RFX4: variants seen among roughly 807,000 people sequenced by gnomAD.
RFX4 encodes regulatory factor X4.
RFX4 carries 10 observed loss-of-function variants against 95.0 expected under a neutral mutation model. The observed-to-expected ratio is 0.11, with a 90% confidence interval of 0.06 to 0.18. RFX4 has a LOEUF of 0.18. RFX4 is among the 10% of genes least tolerant of loss of function. The probability of loss-of-function intolerance (pLI) is 1.00; values close to 1 mark genes in which losing one functional copy is unlikely to be tolerated. For missense variants in RFX4, 640 were observed against 922.0 expected, an observed-to-expected ratio of 0.69 and a Z score of 3.96; for synonymous variants, 321 against 340.7, an observed-to-expected ratio of 0.94 and a Z score of 0.64.
intron 11 of RFX4, among the ~76,000 whole-genome samples, chr12:106,719,337 G>C (rs903667250): frequency 3.3e-5 from 5 of 152,154 alleles, no homozygotes; most frequent in Admixed American, 6.6e-5. Flanking sequence ...AGAAACATTT[G>C]AATTATCACA....
At position 106,698,033 on chromosome 12, in the gene RFX4, C is replaced by T. The variant is rs112421960; in HGVS notation, c.833+1587C>T. Among the ~76,000 whole-genome samples, 26 of 150,646 alleles carry T rather than the reference C, an allele frequency of 1.7e-4. 1 individual carries two copies. Among genetic ancestry groups the T allele is most frequent in the African/African-American group, 2.7e-4 (11 of 40,986 alleles). ...TGTTGCCCAGGCTGGAGTGCAATGGCGCAGTCTTGGCTCACTACAACCTCT... is the reference window on the plus strand; with the variant it reads ...TGTTGCCCAGGCTGGAGTGCAATGGTGCAGTCTTGGCTCACTACAACCTCT... On this transcript the variant is annotated intron_variant, in intron 8 of 17. Transcript: ENST00000392842.
At position 106,683,466 on chromosome 12, in the gene RFX4, GAAAAAAAAAAA is replaced by G. The variant is rs149587196; in HGVS notation, c.377+1432_377+1442del. The G allele has an allele frequency of 1.6e-4, 8 of 50,816 alleles. 1 individual carries two copies. The highest frequency in any genetic ancestry group is 3.8e-4 in the Admixed American group (1 of 2,644). 3.1% of individuals were successfully genotyped at this position (50,816 alleles called of 1,614,324 possible). A position where few individuals can be genotyped will look rare whatever the true frequency, so the allele number is the denominator to read the frequency against. ...AATAATTTTCCAAGATGACTATTCT[GAAAAAAAAAAA>G]AAAAAAAAAAAAAAAAAAACAAACC... On this transcript the variant is annotated intron_variant, in intron 5 of 17. Coordinates refer to ENST00000392842, the MANE Select transcript of RFX4 (RefSeq NM_213594.3).
rs1316390751 is a variant in RFX4 at position 106,709,443 on chromosome 12, T to C, written c.934+13T>C. The C allele has an allele frequency of 3.1e-6, 5 of 1,594,748 alleles. No individual in the cohort carries two copies. The highest frequency in any genetic ancestry group is 2.3e-5 in the South Asian group (2 of 88,550). ...ATCAAGTTCGAATGTAAGTACTGAG[T>C]TGAGAGCGGGATGGAAGAGAGAATT... On this transcript the variant is annotated intron_variant, in intron 9 of 17. Transcript: ENST00000392842.
intron 13 of RFX4, among the ~76,000 whole-genome samples, chr12:106,731,780 A>C (rs998824401): frequency 1.1e-4 from 16 of 152,196 alleles, no homozygotes; most frequent in Admixed American, 5.9e-4. Flanking sequence ...ATAAATGCCG[A>C]AGAGAGTGAG....
At chr12:106,656,958 G>A (rs1272477058) in intron 4 of RFX4, among the ~76,000 whole-genome samples, 1 of 152,170 alleles carries the variant, frequency 6.6e-6, no homozygotes, top group East Asian at 1.9e-4. Flanking sequence ...GAACACAAAT[G>A]CAAATGCTCT....
chr12:106,625,190 A>G (rs12228778), intron 2 of RFX4, among the ~76,000 whole-genome samples: 55,779 of 152,126 alleles, frequency 0.37, 12,380 homozygotes, highest in Middle Eastern at 0.54. Context: ...TTAGTGGCAG[A>G]ATCAGGACTG....
intron 3 of RFX4, among the ~76,000 whole-genome samples, chr12:106,643,123 C>T (rs2040666313): frequency 6.6e-6 from 1 of 152,222 alleles, no homozygotes; most frequent in Non-Finnish European, 1.5e-5. Context: ...TCACTGAATA[C>T]AGGCTGCCCC....
At chr12:106,674,757 G>A (rs1037483350) in intron 4 of RFX4, among the ~76,000 whole-genome samples, 5 of 152,176 alleles carry the variant, frequency 3.3e-5, no homozygotes, top group Non-Finnish European at 7.3e-5. Context: ...TAAGCTTCTT[G>A]AACAGAGGCT....
At chr12:106,629,008 C>T (rs1263754275) in intron 2 of RFX4, among the ~76,000 whole-genome samples, 1 of 152,136 alleles carries the variant, frequency 6.6e-6, no homozygotes, top group Admixed American at 6.5e-5. Flanking sequence ...ATCCACTGGC[C>T]TTGGCCTCCC....
chr12:106,637,511 C>T (rs2040537379), intron 2 of RFX4, among the ~76,000 whole-genome samples: 1 of 151,972 alleles, frequency 6.6e-6, no homozygotes, highest in African/African-American at 2.4e-5. Context: ...AGATTGATTT[C>T]ATTGATCTTT....
intron 5 of RFX4, chr12:106,683,488 A>AC (rs1242123793): frequency 6.7e-6 from 1 of 149,458 alleles, no homozygotes; most frequent in East Asian, 1.9e-4. Context: ...AAAAAAAAAA[A>AC]AAAAAAAACA....
chr12:106,663,889 C>A (rs1411570709), intron 4 of RFX4, among the ~76,000 whole-genome samples: 5 of 151,506 alleles, frequency 3.3e-5, no homozygotes, highest in Non-Finnish European at 7.4e-5. Context: ...AATGTCAAAC[C>A]AGCCTTGTAT....
intron 3 of RFX4, 54 bp downstream of exon 3, chr12:106,639,446 G>A: frequency 6.8e-7 from 1 of 1,476,390 alleles, no homozygotes; most frequent in Non-Finnish European, 9.5e-7. Context: ...ATATCTTCTT[G>A]TCTATAGGAT....
At chr12:106,694,856 G>A (rs531485230) in intron 7 of RFX4, among the ~76,000 whole-genome samples, 2 of 152,158 alleles carry the variant, frequency 1.3e-5, no homozygotes, top group East Asian at 1.9e-4. Flanking sequence ...TCAACATGGC[G>A]AAACCCCGTC....
chr12:106,727,682 C>A (rs189597793), intron 13 of RFX4, among the ~76,000 whole-genome samples: 1 of 151,796 alleles, frequency 6.6e-6, no homozygotes, highest in Non-Finnish European at 1.5e-5. Context: ...TGCAATGGCA[C>A]GACCTCAGCT....
intron 5 of RFX4, among the ~76,000 whole-genome samples, chr12:106,685,415 ATC>A (rs936650728): frequency 2.6e-5 from 4 of 152,118 alleles, no homozygotes; most frequent in African/African-American, 9.7e-5. Flanking sequence ...TAGTTTCCTT[ATC>A]TATAAAAATG....
At chr12:106,737,933 T>G (rs948944622) in intron 15 of RFX4, among the ~76,000 whole-genome samples, 1 of 152,196 alleles carries the variant, frequency 6.6e-6, no homozygotes, top group Non-Finnish European at 1.5e-5. Flanking sequence ...CCCTCCCATT[T>G]TCTTTCCATA....
At chr12:106,596,382 T>A (rs1292225037) in intron 1 of RFX4, among the ~76,000 whole-genome samples, 1 of 152,256 alleles carries the variant, frequency 6.6e-6, no homozygotes, top group Non-Finnish European at 1.5e-5. Flanking sequence ...CCCAGCCACA[T>A]GGAACTGTGA....
chr12:106,710,951 A>T (rs972809416), intron 9 of RFX4, among the ~76,000 whole-genome samples: 1 of 152,212 alleles, frequency 6.6e-6, no homozygotes, highest in Non-Finnish European at 1.5e-5. Flanking sequence ...TCACTTGATA[A>T]AAAGGACAGA....
Sources: gnomAD v4.1 joint callset for allele counts (sites outside exome capture counted in the v4.1 genomes callset) on GRCh38, gnomAD v4.1.1 for gene constraint, MANE v1.5 for transcripts, NCBI Gene and HGNC (gene_info 2026-07-23, HGNC 2026-07-21) for gene names.